FCHO2: variants seen among roughly 807,000 people sequenced by gnomAD.
The protein encoded by FCHO2 is FCH and mu domain containing endocytic adaptor 2.
Under a neutral mutation model 114.1 loss-of-function variants are expected in FCHO2, and 43 were observed. The observed-to-expected ratio is 0.38, with a 90% confidence interval of 0.30 to 0.49. The LOEUF (loss-of-function observed/expected upper bound fraction) is 0.49. Ranked by LOEUF, FCHO2 falls within the 20% of genes least tolerant of loss-of-function variation. The pLI, the probability that FCHO2 is intolerant of heterozygous loss-of-function variation, is 0.97. For missense variants in FCHO2, 807 were observed against 950.4 expected, an observed-to-expected ratio of 0.85 and a Z score of 1.98; for synonymous variants, 293 against 315.2, an observed-to-expected ratio of 0.93 and a Z score of 0.75.
At chr5:73,035,526 A>C (rs1756454376) in intron 9 of FCHO2, among the ~76,000 whole-genome samples, 1 of 152,078 alleles carries the variant, frequency 6.6e-6, no homozygotes, top group South Asian at 2.1e-4. Context: ...TTTGGGAGAC[A>C]GGGTCTCACT....
At position 73,010,875 on chromosome 5, in the gene FCHO2, C is replaced by CAAAAAAA. The variant is rs57820498; in HGVS notation, c.600+4347_600+4353dup. ...TGGGTGACAGAGTGAGACTCTGTCT[C>CAAAAAAA]AAAAAAAAAAAAAAAAAAAAAAAAA... On this transcript the variant is annotated intron_variant, in intron 6 of 25. Transcript: ENST00000430046. Among the ~76,000 whole-genome samples, 23 of 25,748 alleles carry CAAAAAAA rather than the reference C, an allele frequency of 8.9e-4. 2 individuals carry two copies. Among genetic ancestry groups the CAAAAAAA allele is most frequent in the African/African-American group, 2.8e-3 (23 of 8,294 alleles). 16.9% of individuals were successfully genotyped at this position (25,748 alleles called of 152,430 possible).
chr5:73,088,085 T>C lies in FCHO2; in HGVS notation c.2428T>C (p.Cys810Arg), dbSNP rs755196593. ...TTTTTCAGGACGATACCTGGCGGAT[T>C]GTTGATGGACCTGGGAAAGTGATGT... ...RFATGRYLAD[C>R] The change falls in exon 26 of 26, where the codon TGT becomes CGT. Residue 810 changes from cysteine (C) to arginine (R), a missense_variant. Coordinates refer to ENST00000430046, the MANE Select transcript of FCHO2 (RefSeq NM_138782.3). The C allele has an allele frequency of 1.1e-5, 18 of 1,613,434 alleles. No individual in the cohort carries two copies. The African/African-American group carries it at 2.3e-4, about 20-fold the overall frequency.
intron 17 of FCHO2, among the ~76,000 whole-genome samples, chr5:73,059,911 T>G (rs1296082967): frequency 6.6e-6 from 1 of 152,038 alleles, no homozygotes; most frequent in East Asian, 1.9e-4. Context: ...CATTTTGTAT[T>G]TAGAATGAGG....
chr5:72,982,724 A>G (rs562828195), intron 2 of FCHO2, among the ~76,000 whole-genome samples: 1 of 151,302 alleles, frequency 6.6e-6, no homozygotes, highest in Admixed American at 6.6e-5. Context: ...GTTTTCTCCT[A>G]TGTTATCTTC....
chr5:73,050,046 A>G (rs563684150), intron 11 of FCHO2, among the ~76,000 whole-genome samples: 299 of 152,242 alleles, frequency 2.0e-3, no homozygotes, highest in Non-Finnish European at 3.1e-3. Flanking sequence ...TACATTATAT[A>G]TATCTTTACA....
At chr5:73,042,247 C>G (rs925103310) in intron 11 of FCHO2, among the ~76,000 whole-genome samples, 8 of 152,064 alleles carry the variant, frequency 5.3e-5, no homozygotes, top group Non-Finnish European at 1.2e-4. Flanking sequence ...TTTGGAGTTA[C>G]AATGTTTACC....
chr5:72,983,863 C>CATAT (rs148304100), intron 2 of FCHO2, among the ~76,000 whole-genome samples: 1 of 149,034 alleles, frequency 6.7e-6, no homozygotes, highest in East Asian at 1.9e-4. Context: ...TCCTGGTATG[C>CATAT]ATATATATAT....
rs1743349477 is a variant in FCHO2, at chr5:73,087,471, G to A, written c.2246-118G>A. ...GAAACAGGATAATAGTTTGTTTACT[G>A]TGCACATCTAATGAATGTAGCACAG... On this transcript the variant is annotated intron_variant, in intron 24 of 25. Transcript: ENST00000430046. 2.1e-5 allele frequency: 24 copies of A among 1,131,192 alleles called. 2 individuals carry two copies. The South Asian group carries it at 3.7e-4, about 17-fold the overall frequency. 70.1% of individuals were successfully genotyped at this position (1,131,192 alleles called of 1,614,324 possible).
chr5:73,060,695 A>C (rs927210125), intron 17 of FCHO2, among the ~76,000 whole-genome samples: 2 of 151,942 alleles, frequency 1.3e-5, no homozygotes, highest in African/African-American at 4.8e-5. Context: ...TTAATTCATC[A>C]CTGACCTCAT....
intron 19 of FCHO2, among the ~76,000 whole-genome samples, chr5:73,073,850 A>G (rs1234064354): frequency 6.6e-6 from 1 of 152,098 alleles, no homozygotes; most frequent in African/African-American, 2.4e-5. Flanking sequence ...GACCTAGATT[A>G]TTTATTTTTT....
chr5:73,023,753 T>TA (rs1755765670), intron 8 of FCHO2, among the ~76,000 whole-genome samples: 1 of 151,700 alleles, frequency 6.6e-6, no homozygotes, highest in African/African-American at 2.4e-5. Context: ...CACACAGAAA[T>TA]ATGTTGGAAC....
chr5:72,962,561 G>T (rs963845360), intron 1 of FCHO2, among the ~76,000 whole-genome samples: 1 of 152,108 alleles, frequency 6.6e-6, no homozygotes, highest in African/African-American at 2.4e-5. Context: ...AGGGAATAAG[G>T]ACTTGGGTTT....
intron 9 of FCHO2, 131 bp from the exon 10 acceptor site, chr5:73,037,012 A>C (rs1756545648): frequency 2.0e-6 from 1 of 501,394 alleles, no homozygotes; most frequent in Non-Finnish European, 3.4e-6. Flanking sequence ...TGCTAACTTT[A>C]TTTCTGTCAT....
chr5:72,962,586 T>C (rs1471086847), intron 1 of FCHO2, among the ~76,000 whole-genome samples: 1 of 152,014 alleles, frequency 6.6e-6, no homozygotes, highest in Non-Finnish European at 1.5e-5. Flanking sequence ...TTTCTTAGTG[T>C]GGAAAAATTA....
At chr5:72,968,397 A>C in intron 1 of FCHO2, 101 bp from the exon 2 acceptor site, 1 of 722,944 alleles carries the variant, frequency 1.4e-6, no homozygotes. Flanking sequence ...AAAACACCTC[A>C]CCTGAGCACA....
chr5:72,960,834 A>G (rs1222130175), intron 1 of FCHO2, among the ~76,000 whole-genome samples: 2 of 152,158 alleles, frequency 1.3e-5, no homozygotes, highest in Non-Finnish European at 2.9e-5. Context: ...GAGTAATCCC[A>G]ATCTATATAC....
chr5:72,980,477 C>G (rs1355067363), intron 2 of FCHO2, among the ~76,000 whole-genome samples: 2 of 152,136 alleles, frequency 1.3e-5, no homozygotes, highest in African/African-American at 4.8e-5. Context: ...TGGTCCAGAG[C>G]TGAGTTCAAT....
intron 13 of FCHO2, 100 bp from the exon 14 acceptor site, chr5:73,054,060 G>A: frequency 1.1e-6 from 1 of 932,802 alleles, no homozygotes; most frequent in East Asian, 2.8e-5. Flanking sequence ...GGTGTATATA[G>A]TTTAGATATG....
At chr5:72,969,167 CAA>C (rs775133810) in intron 2 of FCHO2, among the ~76,000 whole-genome samples, 13 of 152,218 alleles carry the variant, frequency 8.5e-5, no homozygotes, top group Non-Finnish European at 1.3e-4. Flanking sequence ...GTGGCTACCC[CAA>C]CTTTGTAATT....
Sources: gnomAD v4.1 joint callset for allele counts (sites outside exome capture counted in the v4.1 genomes callset) on GRCh38, gnomAD v4.1.1 for gene constraint, MANE v1.5 for transcripts, NCBI Gene and HGNC (gene_info 2026-07-23, HGNC 2026-07-21) for gene names.